The following MEGF11 variants were observed in gnomAD, a reference collection of about 807,000 sequenced individuals.
MEGF11 encodes multiple epidermal growth factor-like domains protein 11.
MEGF11 carries 126 observed loss-of-function variants against 146.6 expected under a neutral mutation model. The observed-to-expected ratio is 0.86, with a 90% CI of 0.74 to 1.00. MEGF11 has a LOEUF of 1.00. MEGF11 is among the 50% of genes least tolerant of loss of function. The pLI is 0.00. For synonymous variants in MEGF11, 532 were observed against 583.4 expected, an observed-to-expected ratio of 0.91 and a Z score of 1.27; for missense variants, 1,509 against 1,521.2, an observed-to-expected ratio of 0.99 and a Z score of 0.13.
intron 5 of MEGF11, among the ~76,000 whole-genome samples, chr15:66,078,042 G>A (rs1481336658): frequency 1.3e-5 from 2 of 152,162 alleles, no homozygotes; most frequent in East Asian, 1.9e-4. Context: ...TGTGGGAGGG[G>A]TTGGGGAGGG....
chr15:66,242,623 T>C (rs1375278532), intron 1 of MEGF11, among the ~76,000 whole-genome samples: 2 of 151,854 alleles, frequency 1.3e-5, no homozygotes, highest in Non-Finnish European at 2.9e-5. Context: ...CAATAAGCAG[T>C]AGGAAAGGGC....
chr15:65,939,451 CACTAG>C (rs1225474052), intron 10 of MEGF11, among the ~76,000 whole-genome samples: 1 of 151,648 alleles, frequency 6.6e-6, no homozygotes, highest in Non-Finnish European at 1.5e-5. Context: ...CTAACCATTA[CACTAG>C]ACTAGATGAG....
intron 23 of MEGF11, among the ~76,000 whole-genome samples, chr15:65,907,372 A>G (rs2078661129): frequency 6.6e-6 from 1 of 151,664 alleles, no homozygotes; most frequent in African/African-American, 2.4e-5. Context: ...TCTGTTCACT[A>G]CAACCTCCAC....
intron 5 of MEGF11, among the ~76,000 whole-genome samples, chr15:66,084,022 A>C (rs1452409189): frequency 6.6e-6 from 1 of 152,230 alleles, no homozygotes; most frequent in Non-Finnish European, 1.5e-5. Context: ...TGTGTTGCTT[A>C]ACCATAGGGA....
chr15:65,945,990 A>G (rs2080177746), intron 10 of MEGF11, among the ~76,000 whole-genome samples: 1 of 152,196 alleles, frequency 6.6e-6, no homozygotes, highest in Non-Finnish European at 1.5e-5. Flanking sequence ...TAGTTTCCCT[A>G]TCTGCAAAAT....
chr15:65,961,101 G>A (rs1473127033), intron 9 of MEGF11, among the ~76,000 whole-genome samples: 7 of 152,182 alleles, frequency 4.6e-5, no homozygotes, highest in Non-Finnish European at 1.0e-4. Context: ...ATGGAGAGCT[G>A]TGATTGCCAT....
rs59414756 is a variant in MEGF11 at position 66,235,510 on chromosome 15, A to C, written c.-9+18095T>G. Among the ~76,000 whole-genome samples, 615 of 120,868 alleles carry C rather than the reference A, an allele frequency of 5.1e-3. 17 individuals are homozygous for C. The East Asian group carries it at 0.12, about 23-fold the overall frequency. 79.3% of individuals were successfully genotyped at this position (120,868 alleles called of 152,430 possible). On this transcript the variant is annotated intron_variant, in intron 1 of 25. Transcript: ENST00000395614. The stretch of plus-strand genomic sequence containing the variant: ...AAATAAGACTCTGTCTCAAAGAAAA[A>C]AAAAAGGTCAAAATCTGTAACAAAT...
intron 1 of MEGF11, among the ~76,000 whole-genome samples, chr15:66,153,015 C>T (rs2141044112): frequency 6.6e-6 from 1 of 152,338 alleles, no homozygotes; most frequent in Non-Finnish European, 1.5e-5. Context: ...CTCCAGGACC[C>T]TGCTCCAACA....
At chr15:65,928,623 G>A in intron 12 of MEGF11, 96 bp from the exon 13 acceptor site, 1 of 765,242 alleles carries the variant, frequency 1.3e-6, no homozygotes, top group Non-Finnish European at 2.0e-6. Context: ...ACTTTTGGAG[G>A]GTCCAGTGAG....
At chr15:66,016,579 T>C (rs539283992) in intron 5 of MEGF11, among the ~76,000 whole-genome samples, 1 of 151,642 alleles carries the variant, frequency 6.6e-6, no homozygotes, top group South Asian at 2.1e-4. Flanking sequence ...ACAAAGTGTC[T>C]TCAATCCAAA....
intron 19 of MEGF11, 42 bp from the exon 20 acceptor site, chr15:65,914,015 T>C (rs1416219662): frequency 1.3e-6 from 2 of 1,528,860 alleles, no homozygotes; most frequent in East Asian, 2.3e-5. Flanking sequence ...CTGGCCTTCT[T>C]GCGCTTCAGG....
intron 24 of MEGF11, among the ~76,000 whole-genome samples, chr15:65,903,765 CG>C (rs1200701891): frequency 6.6e-6 from 1 of 152,146 alleles, no homozygotes; most frequent in African/African-American, 2.4e-5. Context: ...GTGTTTATTT[CG>C]GGGGGCGTTA....
In MEGF11 at chr15:66,063,974, T is replaced by G. The variant is rs376844570; in HGVS notation, c.394+30428A>C. Among the ~76,000 whole-genome samples, 34 of 152,340 alleles carry G rather than the reference T, an allele frequency of 2.2e-4. No homozygotes were observed. The East Asian group carries it at 4.2e-3, about 19-fold the overall frequency. ...AAGGTTGCACAGAAACTGTCAACTC[T>G]GCAGGTGGGATGTGAACCCAGTCTG... is the stretch of plus-strand genomic sequence containing the variant. On this transcript the variant is annotated intron_variant, in intron 5 of 25. Transcript: ENST00000395614.
chr15:66,220,560 C>T (rs1311388295), intron 1 of MEGF11, among the ~76,000 whole-genome samples: 1 of 130,986 alleles, frequency 7.6e-6, no homozygotes, highest in Non-Finnish European at 1.6e-5. Context: ...TGTTTTGAGA[C>T]AGGGTCTCAC....
intron 6 of MEGF11, among the ~76,000 whole-genome samples, chr15:65,981,472 C>A (rs1361565070): frequency 6.6e-6 from 1 of 152,134 alleles, no homozygotes; most frequent in Non-Finnish European, 1.5e-5. Context: ...CATCCAATGG[C>A]CCTGGCCTCT....
chr15:65,990,573 G>T (rs2082000761), intron 5 of MEGF11, among the ~76,000 whole-genome samples: 1 of 127,990 alleles, frequency 7.8e-6, no homozygotes, highest in Non-Finnish European at 1.6e-5. Context: ...AAGCAAGCAA[G>T]GGAAGAAAGG....
chr15:66,128,202 C>T, intron 2 of MEGF11, 104 bp downstream of exon 2: 1 of 668,844 alleles, frequency 1.5e-6, no homozygotes, highest in Non-Finnish European at 2.4e-6. Context: ...GGCTGCAGAC[C>T]CTTAGAGGGC....
chr15:65,908,012 T>C (rs2078681862), intron 23 of MEGF11, among the ~76,000 whole-genome samples: 1 of 152,078 alleles, frequency 6.6e-6, no homozygotes, highest in South Asian at 2.1e-4. Flanking sequence ...TACAGGGTGG[T>C]GGTGGTGGGG....
rs914781269 is a variant in MEGF11, at chr15:66,190,968, C to G, written c.-8-62557G>C. Among the ~76,000 whole-genome samples the G allele has an allele frequency of 5.0e-5, 6 of 118,934 alleles. No individual in the cohort carries two copies. The East Asian group carries it at 1.6e-3, about 32-fold the overall frequency. The allele number at this position is 118,934 out of a possible 152,430, so 78.0% of individuals were successfully genotyped here. A position where few individuals can be genotyped will look rare whatever the true frequency, so the allele number is the denominator to read the frequency against. ...TATTCCAACCTAACATCAGGCTTCA[C>G]GGAGTGTTCACAGGGGAGACTATTA... On this transcript the variant is annotated intron_variant, in intron 1 of 25. Transcript: ENST00000395614.
Sources: gnomAD v4.1 joint callset for allele counts (sites outside exome capture counted in the v4.1 genomes callset) on GRCh38, gnomAD v4.1.1 for gene constraint, MANE v1.5 for transcripts, NCBI Gene and HGNC (gene_info 2026-07-23, HGNC 2026-07-21) for gene names.